Variants in OTULIN observed in about 807,000 individuals in gnomAD.
OTULIN encodes the protein ubiquitin thioesterase otulin.
In OTULIN, 15 loss-of-function variants were observed where a neutral mutation model predicts 39.6. The ratio of observed to expected loss-of-function variants is 0.38; its 90% CI spans 0.25 to 0.58. OTULIN has a LOEUF of 0.58. Among genes scored for constraint, OTULIN ranks in the 20% least tolerant of loss-of-function variants. The probability of loss-of-function intolerance (pLI) is 0.66; values close to 1 mark genes in which losing one functional copy is unlikely to be tolerated. For missense variants in OTULIN, 319 were observed against 445.9 expected (o/e 0.72, Z 2.56); for synonymous variants, 156 against 170.3 (o/e 0.92, Z 0.65).
Position 14,693,041 on chromosome 5 carries a change from G to C in OTULIN, c.1052G>C (p.Ser351Thr). 7 of 1,609,194 alleles carry C rather than the reference G, an allele frequency of 4.3e-6. No homozygotes were observed. The highest frequency in any genetic ancestry group is 1.1e-5 in the South Asian group (1 of 90,606). Residue 351 changes from serine to threonine, a missense_variant, in exon 7 of 7, where the codon AGT becomes ACT. Physicochemically the swap from Ser to Thr is moderately conservative, Grantham distance 58. Coordinates refer to ENST00000284274, the MANE Select transcript of OTULIN (RefSeq NM_138348.6). ...NIPVRVCEET[S>T]L is the part of the protein sequence containing the mutation. Reference sequence around the variant, plus strand: ...CCCGTCAGAGTGTGTGAGGAGACCAGTCTATGAGAGACGCATGCTCCTGAC... The same window carrying C: ...CCCGTCAGAGTGTGTGAGGAGACCACTCTATGAGAGACGCATGCTCCTGAC...
the OTULIN span, chr5:14,713,057 T>A: frequency 3.0e-6 from 4 of 1,343,698 alleles, no homozygotes; most frequent in Non-Finnish European, 4.2e-6. This position sits in a 1 kb window ranked among gnomAD's most constrained non-coding sequence, Gnocchi z 4.4. Context: ...GGAAAGTAAG[T>A]GTAGCCTCGA....
intron 1 of OTULIN, 101 bp from the exon 2 acceptor site, chr5:14,673,541 T>C: frequency 1.2e-6 from 1 of 857,810 alleles, no homozygotes; most frequent in Non-Finnish European, 1.7e-6. Flanking sequence ...TGAAAAAAGT[T>C]AAACCCTTAG....
the OTULIN span, among the ~76,000 whole-genome samples, chr5:14,712,010 T>TCCTGTCTCCCCTCTTTCCTCAGCTTA: frequency 6.6e-6 from 1 of 152,230 alleles, no homozygotes; most frequent in Non-Finnish European, 1.5e-5. Flanking sequence ...CTTTTCGATG[T>TCCTGTCTCCCCTCTTTCCTCAGCTTA]CCTGTCTCCC....
In OTULIN at chr5:14,696,032, G is replaced by T. The variant is rs1736659768; in HGVS notation, c.*2984G>T. 6.6e-6 allele frequency: 1 copy of T among 150,892 alleles called. No individual in the cohort carries two copies. The highest frequency in any genetic ancestry group is 2.4e-5 in the African/African-American group (1 of 40,982). 9.3% of individuals were successfully genotyped at this position (150,892 alleles called of 1,614,324 possible). A position where few individuals can be genotyped will look rare whatever the true frequency, so the allele number is the denominator to read the frequency against. On this transcript the variant is annotated 3_prime_UTR_variant, in exon 7 of 7. Transcript: ENST00000284274. ...TTCCCTCCACTTTTGGAGCTTATCAGGTAAAAATCTCAAGCCACATGAATT... is the reference window on the plus strand; with the variant it reads ...TTCCCTCCACTTTTGGAGCTTATCATGTAAAAATCTCAAGCCACATGAATT...
chr5:14,671,993 A>G (rs923643253), intron 1 of OTULIN, among the ~76,000 whole-genome samples: 1 of 152,170 alleles, frequency 6.6e-6, no homozygotes, highest in Non-Finnish European at 1.5e-5. Context: ...TTATACATAC[A>G]GCTAATAAGG....
intron 2 of OTULIN, among the ~76,000 whole-genome samples, chr5:14,675,150 T>G (rs1356658866): frequency 6.6e-6 from 1 of 152,232 alleles, no homozygotes; most frequent in Non-Finnish European, 1.5e-5. Context: ...GACTAGATCC[T>G]GTTCATACAT....
At chr5:14,681,102 A>G (rs1416004845) in intron 3 of OTULIN, among the ~76,000 whole-genome samples, 1 of 152,216 alleles carries the variant, frequency 6.6e-6, no homozygotes, top group Non-Finnish European at 1.5e-5. Flanking sequence ...ATCTCCTGGC[A>G]TATAGACTTT....
chr5:14,688,503 C>T (rs1307697502), intron 5 of OTULIN, among the ~76,000 whole-genome samples: 2 of 152,212 alleles, frequency 1.3e-5, no homozygotes, highest in South Asian at 4.1e-4. Flanking sequence ...CTGTGTCCAG[C>T]AGCAGGTCTG....
rs199656228 is a variant in OTULIN at position 14,664,886 on chromosome 5, CCGGCGCGGGAGGCGGCGGCCA to C, written c.72_92del (p.Glu24_Arg30del). ...GCCAGGCGCGAGCTGCGCCGAGACG[CCGGCGCGGGAGGCGGCGGCCA>C]CGGCGCGGGACGGCGGGAAGGCGGC... On this transcript the variant is annotated inframe_deletion, in exon 1 of 7. Coordinates refer to ENST00000284274, the MANE Select transcript of OTULIN (RefSeq NM_138348.6). 7.5e-3 allele frequency: 8,926 copies of C among 1,190,212 alleles called. 330 individuals are homozygous for C. In the African/African-American group the frequency reaches 0.099, roughly 13 times the overall value. The allele number at this position is 1,190,212 out of a possible 1,614,324, so 73.7% of individuals were successfully genotyped here.
downstream of OTULIN, among the ~76,000 whole-genome samples, chr5:14,700,821 T>C (rs914698075): frequency 6.6e-6 from 1 of 152,172 alleles, no homozygotes; most frequent in African/African-American, 2.4e-5. Flanking sequence ...GACCTTCTCC[T>C]ACCCCTGGTG....
the OTULIN span, chr5:14,708,776 ACT>A: frequency 6.6e-6 from 1 of 152,088 alleles, no homozygotes; most frequent in African/African-American, 2.4e-5. Flanking sequence ...GTTCTCAGAA[ACT>A]CTAACCAAAT....
rs1579980041 is a variant in OTULIN at position 14,694,008 on chromosome 5, C to T, written c.*960C>T. On this transcript the variant is annotated 3_prime_UTR_variant, in exon 7 of 7. Transcript: ENST00000284274. Reference sequence around the variant, plus strand: ...TGCTTTCAGAGGAGGAACCAAAGGCCAAATTACTTTGAGGTAGGGCTTAGC... The same window carrying T: ...TGCTTTCAGAGGAGGAACCAAAGGCTAAATTACTTTGAGGTAGGGCTTAGC... 2.0e-5 allele frequency: 3 copies of T among 152,316 alleles called. No individual in the cohort carries two copies. Among genetic ancestry groups the T allele is most frequent in the East Asian group, 3.9e-4 (2 of 5,180 alleles). 9.4% of individuals were successfully genotyped at this position (152,316 alleles called of 1,614,324 possible). A position where few individuals can be genotyped will look rare whatever the true frequency, so the allele number is the denominator to read the frequency against.
At chr5:14,672,792 C>T (rs1022632152) in intron 1 of OTULIN, among the ~76,000 whole-genome samples, 1 of 152,186 alleles carries the variant, frequency 6.6e-6, no homozygotes, top group African/African-American at 2.4e-5. Flanking sequence ...TGTCATTTAC[C>T]ACTCCATCTG....
intron 1 of OTULIN, among the ~76,000 whole-genome samples, chr5:14,671,740 TAC>T (rs907099348): frequency 3.7e-4 from 56 of 152,136 alleles, no homozygotes; most frequent in African/African-American, 1.2e-3. Context: ...AACGTTAAAA[TAC>T]ACACAGTTAC....
chr5:14,713,094 A>G, the OTULIN span: 7 of 984,162 alleles, frequency 7.1e-6, no homozygotes, highest in South Asian at 2.8e-5. The surrounding 1 kb of genome is among the most constrained non-coding windows in gnomAD (Gnocchi z 4.4). Context: ...GGCGTTCTCC[A>G]TCTGCTGGCT....
intron 6 of OTULIN, among the ~76,000 whole-genome samples, chr5:14,692,114 G>T (rs926619761): frequency 2.0e-5 from 3 of 152,120 alleles, no homozygotes; most frequent in Admixed American, 1.3e-4. Context: ...ATACACCGAG[G>T]AGTGGAATTG....
intron 4 of OTULIN, among the ~76,000 whole-genome samples, chr5:14,682,058 T>A (rs1488413421): frequency 1.3e-5 from 2 of 152,220 alleles, no homozygotes; most frequent in Non-Finnish European, 2.9e-5. Context: ...GAGACATGAT[T>A]ACTGTCACAT....
intron 6 of OTULIN, among the ~76,000 whole-genome samples, chr5:14,692,327 A>C (rs10075769): frequency 6.6e-6 from 1 of 152,212 alleles, no homozygotes; most frequent in African/African-American, 2.4e-5. Context: ...GCTGGTGACC[A>C]CCACCTATAT....
At chr5:14,686,301 A>G (rs911963870) in intron 4 of OTULIN, among the ~76,000 whole-genome samples, 2 of 152,012 alleles carry the variant, frequency 1.3e-5, no homozygotes, top group African/African-American at 4.8e-5. Flanking sequence ...CTTACTATAT[A>G]AAGTTTTTAA....
Sources: gnomAD v4.1 joint callset for allele counts (sites outside exome capture counted in the v4.1 genomes callset) on GRCh38, gnomAD v4.1.1 for gene constraint, Gnocchi (gnomAD v3.1) non-coding constraint, MANE v1.5 for transcripts, NCBI Gene and HGNC (gene_info 2026-07-23, HGNC 2026-07-21) for gene names.